CDC42BPB: variants seen among roughly 807,000 people sequenced by gnomAD.
CDC42BPB encodes serine/threonine-protein kinase MRCK beta.
In CDC42BPB, 37 loss-of-function variants were observed where a neutral mutation model predicts 214.9. That is an observed-to-expected ratio of 0.17 (90% CI 0.13 to 0.23). CDC42BPB has a LOEUF of 0.23. CDC42BPB is among the 10% of genes least tolerant of loss of function. The pLI is 1.00. For missense variants in CDC42BPB, 1,694 were observed against 2,227.0 expected (o/e 0.76, Z 4.82); for synonymous variants, 931 against 884.0 (o/e 1.05, Z -0.94).
At chr14:102,935,564 C>T (rs911315511) in intron 36 of CDC42BPB, among the ~76,000 whole-genome samples, 9 of 152,152 alleles carry the variant, frequency 5.9e-5, no homozygotes, top group African/African-American at 1.9e-4. Context: ...CCAAGGCGGG[C>T]AGATCACTTG....
chr14:102,957,128 G>A (rs1892745525), intron 21 of CDC42BPB, among the ~76,000 whole-genome samples: 1 of 149,940 alleles, frequency 6.7e-6, no homozygotes. Flanking sequence ...TTGAACCTGG[G>A]AGGTGGAGGT....
chr14:103,025,260 T>C (rs1007645983), intron 1 of CDC42BPB, among the ~76,000 whole-genome samples: 3 of 152,112 alleles, frequency 2.0e-5, no homozygotes, highest in Non-Finnish European at 4.4e-5. Context: ...CTGTCCGATG[T>C]GCCACCCCTC....
chr14:103,001,512 C>T lies in CDC42BPB; in HGVS notation c.448-1799G>A, dbSNP rs376527945. Among the ~76,000 whole-genome samples, 62 of 152,262 alleles carry T rather than the reference C, an allele frequency of 4.1e-4. No homozygotes were observed. In the East Asian group the frequency reaches 9.2e-3, roughly 23 times the overall value. On this transcript the variant is annotated intron_variant, in intron 4 of 36. Transcript: ENST00000361246. The surrounding 1 kb of genome is among the most constrained non-coding windows in gnomAD (Gnocchi z 5.8). Reference sequence around the variant, plus strand: ...AAAGCGGCTAGGAGGAAAGTGGCAGCGGCACCCTGGAGCCTGCCAAAAGGG... The same window carrying T: ...AAAGCGGCTAGGAGGAAAGTGGCAGTGGCACCCTGGAGCCTGCCAAAAGGG...
intron 11 of CDC42BPB, 30 bp from the exon 12 acceptor site, chr14:102,974,179 C>T: frequency 1.9e-6 from 3 of 1,610,114 alleles, no homozygotes; most frequent in Non-Finnish European, 2.5e-6. Flanking sequence ...AACTCTGTTC[C>T]TTTATGTGCA....
Position 102,971,940 on chromosome 14 carries a change from T to C in CDC42BPB, c.1863A>G (p.Arg621=). ...CTACCTCTTTCCTGAGCTTCTCAGC[T>C]CTCCGCATTTCCTGCCGCATGGCGT... The part of the protein sequence containing the change: ...KVDAMRQEMR[R]AEKLRKELEA... Residue 621 remains arginine (R), a synonymous_variant, in exon 13 of 37, where the codon AGA becomes AGG. Coordinates refer to ENST00000361246, the MANE Select transcript of CDC42BPB (RefSeq NM_006035.4). The C allele has an allele frequency of 6.2e-7, 1 of 1,614,232 alleles. No individual in the cohort carries two copies. Among genetic ancestry groups the C allele is most frequent in the Non-Finnish European group, 8.5e-7 (1 of 1,180,044 alleles).
At chr14:102,966,914 C>T (rs962642809) in intron 17 of CDC42BPB, 132 bp downstream of exon 17, 8 of 1,017,438 alleles carry the variant, frequency 7.9e-6, no homozygotes, top group Non-Finnish European at 1.0e-5. Context: ...TGGGGAACAG[C>T]AGTGAGACCT....
chr14:102,950,495 T>C lies in CDC42BPB; in HGVS notation c.3280A>G (p.Ile1094Val). The C allele has an allele frequency of 6.2e-7, 1 of 1,613,244 alleles. No individual in the cohort carries two copies. Among genetic ancestry groups the C allele is most frequent in the African/African-American group, 1.3e-5 (1 of 75,056 alleles). ...RPLGVDVQRG[I>V]GTAYKGHVKV... ...ACATGGCCTTTGTAGGCTGTTCCGA[T>C]GCCTCGCTGCACGTCCACGCCCAGA... The change falls in exon 25 of 37, where the codon ATC becomes GTC. Residue 1094 changes from isoleucine to valine, a missense_variant. Around this residue, in one of 7 missense-constraint regions of CDC42BPB, gnomAD observed 567 missense variants for 790.3 expected, o/e 0.72. Transcript: ENST00000361246.
Position 102,940,038 on chromosome 14 carries a change from A to C in CDC42BPB, c.4591+8T>G. Reference sequence around the variant, plus strand: ...TTCCCTCCACTCCCGGTGCAGAGGAAGGCTCACCCGAGAACTTGCTCTTGA... The same window carrying C: ...TTCCCTCCACTCCCGGTGCAGAGGACGGCTCACCCGAGAACTTGCTCTTGA... On this transcript the variant is annotated splice_region_variant and intron_variant, in intron 32 of 36. Coordinates refer to ENST00000361246, the MANE Select transcript of CDC42BPB (RefSeq NM_006035.4). The C allele has an allele frequency of 6.2e-7, 1 of 1,613,914 alleles. No homozygotes were observed. The highest frequency in any genetic ancestry group is 8.5e-7 in the Non-Finnish European group (1 of 1,180,018).
At chr14:103,023,895 G>C (rs1886907522) in intron 1 of CDC42BPB, among the ~76,000 whole-genome samples, 1 of 152,186 alleles carries the variant, frequency 6.6e-6, no homozygotes, top group South Asian at 2.1e-4. Flanking sequence ...ACACAGTGCA[G>C]GGAAATCTAG....
At chr14:102,970,445 T>C in intron 13 of CDC42BPB, 184 bp from the exon 14 acceptor site, 1 of 886,032 alleles carries the variant, frequency 1.1e-6, no homozygotes, top group Non-Finnish European at 1.4e-6. Flanking sequence ...CTGGGATGGT[T>C]GGTTACTAAT....
chr14:103,013,738 A>G (rs1274889886), intron 1 of CDC42BPB, among the ~76,000 whole-genome samples: 1 of 152,204 alleles, frequency 6.6e-6, no homozygotes, highest in Non-Finnish European at 1.5e-5. Context: ...CCAGAAGCTG[A>G]GCGTTCCCCG....
intron 30 of CDC42BPB, chr14:102,941,030 G>T: frequency 1.3e-6 from 1 of 799,498 alleles, no homozygotes. Context: ...CAAAGCCTTT[G>T]GCCATTTGGA....
chr14:102,967,366 A>C, intron 16 of CDC42BPB, 196 bp from the exon 17 acceptor site: 1 of 985,384 alleles, frequency 1.0e-6, no homozygotes, highest in Non-Finnish European at 1.2e-6. Flanking sequence ...ATCTAAACCT[A>C]AACTGATGGA....
rs1318657834 is a variant in CDC42BPB, at chr14:102,970,187, G to C, written c.1959C>G (p.Phe653Leu). The C allele has an allele frequency of 4.3e-6, 7 of 1,613,978 alleles. No individual in the cohort carries two copies. The highest frequency in any genetic ancestry group is 5.1e-6 in the Non-Finnish European group (6 of 1,180,002). ...CCAGCTCGCTTTCCATTTGCTTGCA[G>C]AAGTTCTCGCTGTGCTCACGAAGCT... Reference protein sequence around the residue: ...ERKLREHSENFCKQMESELEA... With the variant: ...ERKLREHSENLCKQMESELEA... The change falls in exon 14 of 37, where the codon TTC becomes TTG. Residue 653 changes from phenylalanine (F) to leucine (L), a missense_variant. Physicochemically the swap from Phe to Leu is conservative, Grantham distance 22. Transcript: ENST00000361246.
chr14:103,034,813 G>T (rs1386988787), intron 1 of CDC42BPB, among the ~76,000 whole-genome samples: 4 of 141,196 alleles, frequency 2.8e-5, no homozygotes, highest in Non-Finnish European at 6.1e-5. Flanking sequence ...GTGAGACTCC[G>T]TCTCCAAAAA....
intron 26 of CDC42BPB, among the ~76,000 whole-genome samples, chr14:102,949,115 T>C (rs1892359443): frequency 1.3e-5 from 2 of 152,192 alleles, no homozygotes; most frequent in Non-Finnish European, 1.5e-5. Context: ...GGCAGTAGCA[T>C]GGCTCCGTGT....
Position 102,945,689 on chromosome 14 carries a change from G to A in CDC42BPB, c.3784C>T (p.Leu1262Phe), listed in dbSNP as rs202026444. 1.3e-4 allele frequency: 209 copies of A among 1,612,908 alleles called. No homozygotes were observed. The highest frequency in any genetic ancestry group is 3.2e-4 in the South Asian group (29 of 91,080). ...DRIAVGLEEG[L>F]YVIEVTRDVI... is the part of the protein sequence containing the mutation. ...TCTCGGGTGACCTCTATGACATAGA[G>A]CCCTTCTTCTAGGCCGACTGCAATC... Residue 1262 changes from leucine to phenylalanine, a missense_variant, in exon 29 of 37, where the codon CTC becomes TTC. Coordinates refer to ENST00000361246, the MANE Select transcript of CDC42BPB (RefSeq NM_006035.4).
At position 102,972,076 on chromosome 14, in the gene CDC42BPB, T is replaced by C; in HGVS notation, c.1727A>G (p.Glu576Gly). The C allele has an allele frequency of 1.2e-6, 2 of 1,614,270 alleles. No individual in the cohort carries two copies. Among genetic ancestry groups the C allele is most frequent in the Non-Finnish European group, 1.7e-6 (2 of 1,180,046 alleles). ...CATGCGCTCGTTCAGCTCCGAGAAC[T>C]CCTGCAGGGCCAGCTTTCGCTGCTG... is the stretch of plus-strand genomic sequence containing the variant. ...AHQQRKLALQEFSELNERMAE... is the reference protein window; with the variant it reads ...AHQQRKLALQGFSELNERMAE... Residue 576 changes from glutamate to glycine, a missense_variant, in exon 13 of 37, where the codon GAG becomes GGG. Transcript: ENST00000361246.
chr14:102,986,909 G>A (rs1379344773), intron 5 of CDC42BPB, among the ~76,000 whole-genome samples: 2 of 152,236 alleles, frequency 1.3e-5, no homozygotes, highest in African/African-American at 2.4e-5. Flanking sequence ...ACGTGACAAC[G>A]CTGCCCCTGC....
Sources: gnomAD v4.1 joint callset for allele counts (sites outside exome capture counted in the v4.1 genomes callset) on GRCh38, gnomAD v4.1.1 for gene constraint, gnomAD v4.1.1 regional missense constraint, Gnocchi (gnomAD v3.1) non-coding constraint, MANE v1.5 for transcripts, NCBI Gene and HGNC (gene_info 2026-07-23, HGNC 2026-07-21) for gene names.